The following PRDM16 variants were observed in gnomAD, a reference collection of about 807,000 sequenced individuals.
PRDM16 encodes the protein PR/SET domain 16.
PRDM16 carries 23 observed loss-of-function variants against 110.6 expected under a neutral mutation model. The ratio of observed to expected loss-of-function variants is 0.21; its 90% confidence interval spans 0.15 to 0.29. The LOEUF is 0.29. PRDM16 is among the 10% of genes least tolerant of loss of function. PRDM16 has a pLI of 1.00. For synonymous variants in PRDM16, 799 were observed against 781.8 expected (o/e 1.02, Z -0.37); for missense variants, 1,615 against 1,794.3 (o/e 0.90, Z 1.81).
intron 8 of PRDM16, among the ~76,000 whole-genome samples, chr1:3,408,620 A>G (rs1329536754): frequency 7.2e-6 from 1 of 139,116 alleles, no homozygotes; most frequent in African/African-American, 2.7e-5. Context: ...GTGTGAGTGC[A>G]TGAGTGTGGG....
In PRDM16 at chr1:3,290,902, AAATT is replaced by A. The variant is rs1640958513; in HGVS notation, c.438+46767_438+46770del. Among the ~76,000 whole-genome samples the A allele has an allele frequency of 6.6e-6, 1 of 151,860 alleles. No homozygotes were observed. On this transcript the variant is annotated intron_variant, in intron 3 of 16. Transcript: ENST00000270722. The surrounding 1 kb of genome is among the most constrained non-coding windows in gnomAD (Gnocchi z 4.8). Reference sequence around the variant, plus strand: ...ATCTTTCAAAGAGTGATGGTTACGGAAATTAGTGGTGCAGAAATCCATACTCATC... The same window carrying A: ...ATCTTTCAAAGAGTGATGGTTACGGAAGTGGTGCAGAAATCCATACTCATC...
In PRDM16 at chr1:3,144,297, C is replaced by T. The variant is rs576431247; in HGVS notation, c.38-41828C>T. Among the ~76,000 whole-genome samples the T allele has an allele frequency of 2.6e-5, 4 of 152,312 alleles. No individual in the cohort carries two copies. In the East Asian group the frequency reaches 5.8e-4, roughly 22 times the overall value. On this transcript the variant is annotated intron_variant, in intron 1 of 16. Transcript: ENST00000270722. Reference sequence around the variant, plus strand: ...GGGTCCCTGGGAGGGAGAGAGGCGCCGGCCATCCCTCGGGTTGGATGCAGA... The same window carrying T: ...GGGTCCCTGGGAGGGAGAGAGGCGCTGGCCATCCCTCGGGTTGGATGCAGA...
At chr1:3,266,576 A>G (rs1426059045) in intron 3 of PRDM16, among the ~76,000 whole-genome samples, 1 of 152,142 alleles carries the variant, frequency 6.6e-6, no homozygotes, top group African/African-American at 2.4e-5. Context: ...CACTCCCTGG[A>G]TCTCAGACCC....
chr1:3,078,228 AG>A (rs1641942632), intron 1 of PRDM16, among the ~76,000 whole-genome samples: 3 of 152,162 alleles, frequency 2.0e-5, no homozygotes, highest in African/African-American at 7.2e-5. Context: ...CCTGCATGTC[AG>A]GGGGCAGAGG....
chr1:3,135,316 C>G (rs1475363745), intron 1 of PRDM16, among the ~76,000 whole-genome samples: 3 of 152,154 alleles, frequency 2.0e-5, no homozygotes, highest in African/African-American at 7.2e-5. Context: ...GGGCGGGCCA[C>G]GTGAGGCCCT....
At chr1:3,374,648 G>A (rs374892065) in intron 3 of PRDM16, among the ~76,000 whole-genome samples, 2 of 152,296 alleles carry the variant, frequency 1.3e-5, no homozygotes, top group African/African-American at 4.8e-5. Context: ...GGAAGGGGGA[G>A]GGGGAGCTCT....
chr1:3,128,912 G>A (rs1178258060), intron 1 of PRDM16, among the ~76,000 whole-genome samples: 15 of 152,236 alleles, frequency 9.9e-5, no homozygotes, highest in African/African-American at 2.9e-4. Flanking sequence ...GTGGGGGTGC[G>A]CAGCCGTGGC....
chr1:3,147,298 G>A (rs1643692360), intron 1 of PRDM16, among the ~76,000 whole-genome samples: 1 of 152,026 alleles, frequency 6.6e-6, no homozygotes, highest in Admixed American at 6.5e-5. Flanking sequence ...GACTTAGAAG[G>A]AAAAGAAAGC....
intron 1 of PRDM16, among the ~76,000 whole-genome samples, chr1:3,098,537 G>A (rs769541768): frequency 6.6e-6 from 1 of 152,214 alleles, no homozygotes; most frequent in Non-Finnish European, 1.5e-5. Flanking sequence ...TCCCCCATGG[G>A]TGAAGGTCCG....
chr1:3,301,797 A>C (rs1324755932), intron 3 of PRDM16, among the ~76,000 whole-genome samples: 1 of 152,206 alleles, frequency 6.6e-6, no homozygotes, highest in Non-Finnish European at 1.5e-5. Flanking sequence ...ACCACACCTG[A>C]GCCACATTCT....
rs1443703784 is a variant in PRDM16, at chr1:3,246,419, C to T, written c.438+2282C>T. Among the ~76,000 whole-genome samples the T allele has an allele frequency of 1.3e-5, 2 of 152,184 alleles. No homozygotes were observed. The highest frequency in any genetic ancestry group is 2.9e-5 in the Non-Finnish European group (2 of 68,026). ...ATCAGAGCAGACCCGATGCACGAGA[C>T]CCCCCACGGCACCGCCGCGACTGCA... On this transcript the variant is annotated intron_variant, in intron 3 of 16. Transcript: ENST00000270722. The surrounding 1 kb of genome is among the most constrained non-coding windows in gnomAD (Gnocchi z 5.2).
Position 3,084,044 on chromosome 1 carries a change from C to T in PRDM16, c.37+14748C>T, listed in dbSNP as rs1378790385. On this transcript the variant is annotated intron_variant, in intron 1 of 16. Coordinates refer to ENST00000270722, the MANE Select transcript of PRDM16 (RefSeq NM_022114.4). Reference sequence around the variant, plus strand: ...AGAGATGTCCCTGGGTCTTGGCAGACCCACACGCTTGTGGAGGGAGCGAGA... The same window carrying T: ...AGAGATGTCCCTGGGTCTTGGCAGATCCACACGCTTGTGGAGGGAGCGAGA... 2.0e-5 allele frequency among the ~76,000 whole-genome samples: 3 copies of T among 152,358 alleles called. No individual in the cohort carries two copies. The East Asian group carries it at 5.8e-4, about 29-fold the overall frequency.
intron 3 of PRDM16, among the ~76,000 whole-genome samples, chr1:3,335,352 G>A (rs1238376256): frequency 6.6e-6 from 1 of 152,202 alleles, no homozygotes; most frequent in Admixed American, 6.5e-5. Flanking sequence ...GCTGGGGCCG[G>A]CCTGGAAATA....
intron 3 of PRDM16, among the ~76,000 whole-genome samples, chr1:3,291,732 C>T (rs563581682): frequency 2.0e-4 from 31 of 152,380 alleles, no homozygotes; most frequent in African/African-American, 6.7e-4. Flanking sequence ...AAATGCAAGT[C>T]CCCTGAACCC....
chr1:3,293,631 G>A (rs557410324), intron 3 of PRDM16, among the ~76,000 whole-genome samples: 10 of 152,362 alleles, frequency 6.6e-5, no homozygotes, highest in South Asian at 2.1e-4. Flanking sequence ...TTTGAGCTCC[G>A]CTCTGAATAG....
chr1:3,355,177 G>A (rs1412112660), intron 3 of PRDM16, among the ~76,000 whole-genome samples: 1 of 152,150 alleles, frequency 6.6e-6, no homozygotes, highest in African/African-American at 2.4e-5. Flanking sequence ...GGTGTGCCGG[G>A]GAGCTCCGAG....
At chr1:3,204,554 C>T (rs1000014309) in intron 2 of PRDM16, among the ~76,000 whole-genome samples, 6 of 152,320 alleles carry the variant, frequency 3.9e-5, no homozygotes, top group Middle Eastern at 3.4e-3. Context: ...CCCGTGGCTC[C>T]GTTTCTGAAC....
intron 1 of PRDM16, among the ~76,000 whole-genome samples, chr1:3,082,784 C>T (rs1457103588): frequency 2.0e-5 from 3 of 152,196 alleles, no homozygotes; most frequent in East Asian, 1.9e-4. Context: ...CCGCTTTGTG[C>T]GGAGTCCACC....
intron 1 of PRDM16, among the ~76,000 whole-genome samples, chr1:3,091,381 C>G (rs1217456964): frequency 1.3e-5 from 2 of 152,202 alleles, no homozygotes; most frequent in Non-Finnish European, 2.9e-5. Flanking sequence ...ACGACAGCAT[C>G]TCTTTCATCT....
Sources: allele counts gnomAD v4.1 joint callset (sites outside exome capture counted in the v4.1 genomes callset), GRCh38; gene constraint gnomAD v4.1.1; non-coding constraint Gnocchi (gnomAD v3.1); transcripts MANE v1.5; gene names NCBI Gene and HGNC (gene_info 2026-07-23, HGNC 2026-07-21).